LRRC34: variants seen among roughly 807,000 people sequenced by gnomAD.
LRRC34 encodes the protein leucine rich repeat containing 34, also known as leucine-rich repeat-containing protein 34.
A neutral mutation model predicts 48.5 loss-of-function variants in LRRC34; 44 were observed. That is an observed-to-expected ratio of 0.91 (90% CI 0.71 to 1.17). The LOEUF (loss-of-function observed/expected upper bound fraction) is 1.17, where lower values mean the gene tolerates loss of function less well. LRRC34 is among the 50% of genes most tolerant of loss of function. The probability of loss-of-function intolerance (pLI) is 0.00; values close to 1 mark genes in which losing one functional copy is unlikely to be tolerated. For missense variants in LRRC34, 502 were observed against 563.0 expected, an observed-to-expected ratio of 0.89 and a Z score of 1.10; for synonymous variants, 192 against 197.6, an observed-to-expected ratio of 0.97 and a Z score of 0.24.
chr3:169,807,487 A>C lies in LRRC34; in HGVS notation c.383T>G (p.Leu128Trp), dbSNP rs370061178. ...ILKNCLYING[L>W]DVGYNLLCDV... ...ACATAGAAGGTTATATCCAACATCC[A>C]AACCTGAAGCACAGATGAATAGAAG... Residue 128 changes from leucine to tryptophan, a missense_variant, in exon 4 of 11, where the codon TTG becomes TGG. By Grantham distance (61) the Leu-to-Trp change is moderately conservative. Transcript: ENST00000446859. 6.2e-7 allele frequency: 1 copy of C among 1,613,888 alleles called. No homozygotes were observed. The highest frequency in any genetic ancestry group is 1.3e-5 in the African/African-American group (1 of 74,920).
At chr3:169,798,689 C>A (rs1411789971) in intron 7 of LRRC34, among the ~76,000 whole-genome samples, 1 of 152,122 alleles carries the variant, frequency 6.6e-6, no homozygotes, top group Non-Finnish European at 1.5e-5. Flanking sequence ...AAAAAGGGAT[C>A]ATGCTTATAA....
Position 169,797,994 on chromosome 3 carries a change from T to C in LRRC34, c.754-1095A>G, listed in dbSNP as rs73034279. Among the ~76,000 whole-genome samples, 675 of 152,320 alleles carry C rather than the reference T, an allele frequency of 4.4e-3. 7 individuals carry two copies. The highest frequency in any genetic ancestry group is 0.016 in the African/African-American group (648 of 41,568). ...TATTGTTCAATATTCTGTAATTCTG[T>C]ATTTGCTGAAATTGCTTTGACACTG... On this transcript the variant is annotated intron_variant, in intron 7 of 10. Transcript: ENST00000446859.
At chr3:169,803,027 C>T in intron 6 of LRRC34, among the ~76,000 whole-genome samples, 1 of 152,018 alleles carries the variant, frequency 6.6e-6, no homozygotes, top group Admixed American at 6.5e-5. Flanking sequence ...CAGAGAGCCC[C>T]CTGGCCCATC....
At chr3:169,809,391 T>A (rs1033975769) in intron 1 of LRRC34, among the ~76,000 whole-genome samples, 2 of 152,166 alleles carry the variant, frequency 1.3e-5, no homozygotes, top group Non-Finnish European at 2.9e-5. Context: ...TGTCATTTCT[T>A]CATACCAAAT....
chr3:169,807,721 CAAA>C lies in LRRC34; in HGVS notation c.258-15_258-13del, dbSNP rs377198673. ...TTCCTGCTGCTAGCCTGTTAAAATA[CAAA>C]AAAAAAAAAAAAAAAAAAAGATTTT... On this transcript the variant is annotated splice_polypyrimidine_tract_variant and intron_variant, in intron 2 of 10. Transcript: ENST00000446859. 7,359 of 870,008 alleles carry C rather than the reference CAAA, an allele frequency of 8.5e-3. No individual in the cohort carries two copies. Among genetic ancestry groups the C allele is most frequent in the East Asian group, 0.015 (357 of 23,200 alleles). 53.9% of individuals were successfully genotyped at this position (870,008 alleles called of 1,614,324 possible). A position where few individuals can be genotyped will look rare whatever the true frequency, so the allele number is the denominator to read the frequency against.
At position 169,796,734 on chromosome 3, in the gene LRRC34, T is replaced by A; in HGVS notation, c.908+11A>T. On this transcript the variant is annotated intron_variant, in intron 8 of 10. Transcript: ENST00000446859. ...TAACTTTGAATTATTAATGTGTAAA[T>A]TATCACTTACCAGCTGACATCAAGG... 6.2e-7 allele frequency: 1 copy of A among 1,600,358 alleles called. No homozygotes were observed. The highest frequency in any genetic ancestry group is 1.1e-5 in the South Asian group (1 of 87,636).
chr3:169,796,304 T>A lies in LRRC34; in HGVS notation c.974A>T (p.Glu325Val). ...TCTGTTAAAGGAAAGATCTATTACT[T>A]CCAGGGTAGTGTTGCTTTTCAGTAC... ...ADVLKSNTTLEVIDLSFNRIE... is the reference protein window; with the variant it reads ...ADVLKSNTTLVVIDLSFNRIE... Residue 325 changes from glutamate to valine, a missense_variant, in exon 9 of 11, where the codon GAA (glutamate) becomes GTA (valine). Coordinates refer to ENST00000446859, the MANE Select transcript of LRRC34 (RefSeq NM_001172779.2). The A allele has an allele frequency of 6.2e-7, 1 of 1,612,504 alleles. No homozygotes were observed. The highest frequency in any genetic ancestry group is 8.5e-7 in the Non-Finnish European group (1 of 1,179,458).
At chr3:169,809,721 C>A (rs1197352046) in intron 1 of LRRC34, among the ~76,000 whole-genome samples, 1 of 152,130 alleles carries the variant, frequency 6.6e-6, no homozygotes, top group African/African-American at 2.4e-5. Context: ...CATTGCTCAA[C>A]CAGCCTAGCT....
intron 9 of LRRC34, 79 bp downstream of exon 9, chr3:169,796,135 T>G: frequency 6.8e-7 from 1 of 1,460,604 alleles, no homozygotes; most frequent in Non-Finnish European, 9.0e-7. Context: ...CATTATAATC[T>G]TAAGAGTTAA....
chr3:169,807,567 T>C (rs1193453972), intron 3 of LRRC34, 21 bp downstream of exon 3: 68 of 1,612,596 alleles, frequency 4.2e-5, no homozygotes, highest in Non-Finnish European at 5.3e-5. Context: ...GCAGGAGGTA[T>C]TGATTCTTAT....
chr3:169,796,845 C>T lies in LRRC34; in HGVS notation c.808G>A (p.Ala270Thr). 6.2e-7 allele frequency: 1 copy of T among 1,608,492 alleles called. No homozygotes were observed. The highest frequency in any genetic ancestry group is 1.1e-5 in the South Asian group (1 of 90,100). The change falls in exon 8 of 11, where the codon GCA (alanine) becomes ACA (threonine). Residue 270 changes from alanine to threonine, a missense_variant. By Grantham distance (58) the Ala-to-Thr change is moderately conservative. Transcript: ENST00000446859. ...ATATCATGCTTACACATGTGTAGTGCAACAAGACAGTGATTTTCTTTCAAC... is the reference window on the plus strand; with the variant it reads ...ATATCATGCTTACACATGTGTAGTGTAACAAGACAGTGATTTTCTTTCAAC... ...RMLKENHCLV[A>T]LHMCKHDIKN...
chr3:169,799,705 GA>G, intron 7 of LRRC34, among the ~76,000 whole-genome samples: 1 of 152,080 alleles, frequency 6.6e-6, no homozygotes, highest in Admixed American at 6.6e-5. Context: ...TTGATTGATT[GA>G]TTGATTGATT....
intron 7 of LRRC34, among the ~76,000 whole-genome samples, chr3:169,798,230 C>T (rs1263259515): frequency 1.3e-5 from 2 of 152,138 alleles, no homozygotes; most frequent in South Asian, 2.1e-4. Context: ...TAGGCTACAA[C>T]GCTTGAAAGC....
intron 3 of LRRC34, 28 bp downstream of exon 3, chr3:169,807,560 G>C: frequency 6.2e-7 from 1 of 1,612,084 alleles, no homozygotes; most frequent in Non-Finnish European, 8.5e-7. Flanking sequence ...ATGAAAAGCA[G>C]GAGGTATTGA....
intron 7 of LRRC34, among the ~76,000 whole-genome samples, chr3:169,799,460 C>A (rs1779111020): frequency 6.6e-6 from 1 of 152,072 alleles, no homozygotes; most frequent in Non-Finnish European, 1.5e-5. Context: ...TCAAGACCAG[C>A]CTGGGCAACA....
intron 2 of LRRC34, 23 bp downstream of exon 2, chr3:169,808,605 A>C (rs76322513): frequency 0.015 from 17,376 of 1,175,626 alleles, 169 homozygotes; most frequent in Middle Eastern, 0.031. Flanking sequence ...CTATTAATGT[A>C]ATCAAGTATT....
chr3:169,796,687 T>A (rs2108224371), intron 8 of LRRC34, 58 bp downstream of exon 8: 1 of 1,485,000 alleles, frequency 6.7e-7, no homozygotes. Context: ...CATGAATATT[T>A]ATATAGATTA....
At chr3:169,801,641 G>C (rs1779196895) in intron 6 of LRRC34, among the ~76,000 whole-genome samples, 1 of 152,068 alleles carries the variant, frequency 6.6e-6, no homozygotes, top group Admixed American at 6.5e-5. Flanking sequence ...GCCATATCTG[G>C]CCTCCATAAG....
At chr3:169,801,990 C>T (rs193094763) in intron 6 of LRRC34, among the ~76,000 whole-genome samples, 9 of 152,066 alleles carry the variant, frequency 5.9e-5, no homozygotes, top group East Asian at 5.8e-4. Context: ...TTTGTAGAGA[C>T]GGTATTTTCC....
Sources: allele counts gnomAD v4.1 joint callset (sites outside exome capture counted in the v4.1 genomes callset), GRCh38; gene constraint gnomAD v4.1.1; transcripts MANE v1.5; gene names NCBI Gene and HGNC (gene_info 2026-07-23, HGNC 2026-07-21).